Variants in DERPC observed in about 807,000 individuals in gnomAD.
The protein encoded by DERPC is DERPC proline and glycine rich nuclear protein.
In DERPC, 1 loss-of-function variant was observed where a neutral mutation model predicts 7.2. The observed-to-expected ratio is 0.14, with a 90% confidence interval of 0.05 to 0.66. The LOEUF (loss-of-function observed/expected upper bound fraction) is 0.66, where lower values mean the gene tolerates loss of function less well. DERPC is among the 30% of genes least tolerant of loss of function. The pLI, the probability that DERPC is intolerant of heterozygous loss-of-function variation, is 0.84. For synonymous variants in DERPC, 185 were observed against 117.6 expected (o/e 1.57, Z -3.71); for missense variants, 502 against 299.4 (o/e 1.68, Z -4.99).
At chr16:69,129,032 C>T (rs1339286959) in intron 1 of DERPC, among the ~76,000 whole-genome samples, 2 of 152,004 alleles carry the variant, frequency 1.3e-5, no homozygotes, top group East Asian at 3.9e-4. Context: ...CCACTGCACT[C>T]TAGCCTGGGT....
Position 69,132,584 on chromosome 16 carries a change from C to T in DERPC, c.-380G>A, listed in dbSNP as rs1962642703. 2.5e-6 allele frequency: 1 copy of T among 407,766 alleles called. No individual in the cohort carries two copies. Among genetic ancestry groups the T allele is most frequent in the South Asian group, 1.6e-5 (1 of 60,788 alleles). The allele number at this position is 407,766 out of a possible 1,614,324, so 25.3% of individuals were successfully genotyped here. ...GCCGCGAGCACTGCCTGCGCACTTC[C>T]GACTATGCGCCAGGAGCACTTCCGG... is the stretch of plus-strand genomic sequence containing the variant. On this transcript the variant is annotated 5_prime_UTR_variant, in exon 1 of 3. Coordinates refer to ENST00000519520, the MANE Select transcript of DERPC (RefSeq NM_001002847.4).
Position 69,120,196 on chromosome 16 carries a change from G to A in DERPC, c.233C>T (p.Ser78Leu). Residue 78 changes from serine to leucine, a missense_variant, in exon 3 of 3, where the codon TCA becomes TTA. Physicochemically the swap from Ser to Leu is moderately radical, Grantham distance 145. Coordinates refer to ENST00000519520, the MANE Select transcript of DERPC (RefSeq NM_001002847.4). The surrounding 1 kb of genome is among the most constrained non-coding windows in gnomAD (Gnocchi z 4.0). Reference sequence around the variant, plus strand: ...GAAAGGTGCTGGATTTGAAGCCAATGAGCCTGATGAAGCTGGAAAAGGAGA... The same window carrying A: ...GAAAGGTGCTGGATTTGAAGCCAATAAGCCTGATGAAGCTGGAAAAGGAGA... ...NPSPFPASSG[S>L]LASNPAPFPA... 1.4e-6 allele frequency: 1 copy of A among 702,276 alleles called. No homozygotes were observed. Among genetic ancestry groups the A allele is most frequent in the South Asian group, 1.5e-5 (1 of 67,530 alleles). The allele number at this position is 702,276 out of a possible 1,614,324, so 43.5% of individuals were successfully genotyped here.
Position 69,120,645 on chromosome 16 carries a change from A to G in DERPC, c.-217T>C. On this transcript the variant is annotated 5_prime_UTR_variant, in exon 3 of 3. Coordinates refer to ENST00000519520, the MANE Select transcript of DERPC (RefSeq NM_001002847.4). This position sits in a 1 kb window ranked among gnomAD's most constrained non-coding sequence, Gnocchi z 4.0. ...ATGATGCCCCACGATCAGCACAGGG[A>G]TTCCCTTTGGCAGAACAAGAACGAG... is the stretch of plus-strand genomic sequence containing the variant. The G allele has an allele frequency of 6.2e-7, 1 of 1,608,088 alleles. No individual in the cohort carries two copies. Among genetic ancestry groups the G allele is most frequent in the Non-Finnish European group, 8.5e-7 (1 of 1,175,130 alleles).
intron 1 of DERPC, among the ~76,000 whole-genome samples, chr16:69,126,959 G>A (rs1246063266): frequency 3.3e-5 from 5 of 152,210 alleles, no homozygotes; most frequent in African/African-American, 7.2e-5. Flanking sequence ...ATTAAAAAGT[G>A]TATGAGGCCG....
chr16:69,130,354 C>T (rs1364002514), intron 1 of DERPC, among the ~76,000 whole-genome samples: 1 of 152,008 alleles, frequency 6.6e-6, no homozygotes, highest in Admixed American at 6.6e-5. Context: ...AAATTCTCAA[C>T]CCTTAAACAT....
chr16:69,118,963 A>T lies in DERPC; in HGVS notation c.1466T>A (p.Phe489Tyr). The T allele has an allele frequency of 1.4e-6, 1 of 703,056 alleles. No individual in the cohort carries two copies. Among genetic ancestry groups the T allele is most frequent in the East Asian group, 2.7e-5 (1 of 37,282 alleles). 43.6% of individuals were successfully genotyped at this position (703,056 alleles called of 1,614,324 possible). Residue 489 changes from phenylalanine (F) to tyrosine (Y), a missense_variant, in exon 3 of 3, where the codon TTC becomes TAC. Phe to Tyr is a conservative substitution (Grantham distance 22, BLOSUM62 3). Transcript: ENST00000519520. ...GCTCCCCACTCTAGGAAATGGGACG[A>T]AACTCTTGCCTGCAGGGCCATTCAT... is the stretch of plus-strand genomic sequence containing the variant. ...PRMNGPAGKSFVPFPRVGSLP... is the reference protein window; with the variant it reads ...PRMNGPAGKSYVPFPRVGSLP...
intron 2 of DERPC, 102 bp downstream of exon 2, chr16:69,121,334 G>C: frequency 8.0e-7 from 1 of 1,248,746 alleles, no homozygotes. Flanking sequence ...GCAAGGATTT[G>C]TACAAGATGC....
At position 69,120,514 on chromosome 16, in the gene DERPC, G is replaced by C. The variant is rs769216163; in HGVS notation, c.-86C>G. 6.2e-7 allele frequency: 1 copy of C among 1,614,074 alleles called. No individual in the cohort carries two copies. The highest frequency in any genetic ancestry group is 8.5e-7 in the Non-Finnish European group (1 of 1,179,994). ...TTGATGAGTGCTGTCACCAGGTACC[G>C]GGTGCCAGTCTCGCGGCCAAGCTCA... On this transcript the variant is annotated 5_prime_UTR_variant, in exon 3 of 3. Transcript: ENST00000519520. This position sits in a 1 kb window ranked among gnomAD's most constrained non-coding sequence, Gnocchi z 4.0.
chr16:69,122,949 G>A (rs908277183), intron 1 of DERPC, among the ~76,000 whole-genome samples: 6 of 152,124 alleles, frequency 3.9e-5, no homozygotes, highest in African/African-American at 1.2e-4. Context: ...AAAGTGCTGG[G>A]ATTACAGGCA....
intron 1 of DERPC, among the ~76,000 whole-genome samples, chr16:69,127,293 TGA>T (rs933672144): frequency 1.3e-5 from 2 of 149,790 alleles, no homozygotes; most frequent in African/African-American, 4.9e-5. Flanking sequence ...CCCATCCCCT[TGA>T]GAGTAGACAG....
At chr16:69,121,521 G>T in intron 1 of DERPC, 28 bp from the exon 2 acceptor site, 1 of 1,407,626 alleles carries the variant, frequency 7.1e-7, no homozygotes, top group Non-Finnish European at 9.9e-7. Flanking sequence ...GAGATTTAGG[G>T]TAATAACAAC....
chr16:69,129,675 C>T (rs77677888), intron 1 of DERPC, among the ~76,000 whole-genome samples: 152 of 152,234 alleles, frequency 1.0e-3, no homozygotes, highest in African/African-American at 3.6e-3. Flanking sequence ...GGGATATGAA[C>T]CCTAACCCCT....
intron 1 of DERPC, among the ~76,000 whole-genome samples, chr16:69,126,969 G>T (rs373860622): frequency 6.6e-6 from 1 of 152,056 alleles, no homozygotes; most frequent in Non-Finnish European, 1.5e-5. Flanking sequence ...GTATGAGGCC[G>T]GGCGCGGTGG....
rs368710507 is a variant in DERPC, at chr16:69,118,429, C to T, written c.*425G>A. On this transcript the variant is annotated 3_prime_UTR_variant, in exon 3 of 3. Coordinates refer to ENST00000519520, the MANE Select transcript of DERPC (RefSeq NM_001002847.4). ...AGGTCAGAGCTACGGAAGCATGGTC[C>T]GTTCACCAACGCCACGTTTCTAGAG... 1.9e-5 allele frequency: 31 copies of T among 1,611,924 alleles called. No homozygotes were observed. Among genetic ancestry groups the T allele is most frequent in the African/African-American group, 5.3e-5 (4 of 74,858 alleles).
intron 1 of DERPC, among the ~76,000 whole-genome samples, chr16:69,124,739 G>A (rs2152269494): frequency 6.6e-6 from 1 of 152,242 alleles, no homozygotes. Flanking sequence ...GAGCTCCAGG[G>A]ATCCTCCCAC....
rs986539097 is a variant in DERPC, at chr16:69,120,011, C to G, written c.418G>C (p.Gly140Arg). The change falls in exon 3 of 3, where the codon GGG becomes CGG. Residue 140 changes from glycine to arginine, a missense_variant. Coordinates refer to ENST00000519520, the MANE Select transcript of DERPC (RefSeq NM_001002847.4). The surrounding 1 kb of genome is among the most constrained non-coding windows in gnomAD (Gnocchi z 4.0). ...NPRTGALPGP[G>R]PLSNPRLGGL... ...CCTAACCTGGGGTTAGACAGAGGCC[C>G]TGGGCCTGGCAGAGCCCCTGTCCTA... is the stretch of plus-strand genomic sequence containing the variant. 5.8e-6 allele frequency: 4 copies of G among 691,836 alleles called. No homozygotes were observed. In the African/African-American group the frequency reaches 7.1e-5, roughly 12 times the overall value. 42.9% of individuals were successfully genotyped at this position (691,836 alleles called of 1,614,324 possible).
chr16:69,121,452 G>A lies in DERPC; in HGVS notation c.-238C>T. 2 of 1,603,856 alleles carry A rather than the reference G, an allele frequency of 1.2e-6. No homozygotes were observed. The highest frequency in any genetic ancestry group is 1.7e-6 in the Non-Finnish European group (2 of 1,177,390). ...TGTACTTACCTGGAAATAACAATTTGCACCATGAGCTTTCTGTCTTTAAAA... is the reference window on the plus strand; with the variant it reads ...TGTACTTACCTGGAAATAACAATTTACACCATGAGCTTTCTGTCTTTAAAA... On this transcript the variant is annotated 5_prime_UTR_variant, in exon 2 of 3. It introduces an in-frame stop codon into an upstream open reading frame of the 5' UTR. Coordinates refer to ENST00000519520, the MANE Select transcript of DERPC (RefSeq NM_001002847.4).
intron 1 of DERPC, among the ~76,000 whole-genome samples, chr16:69,126,201 G>T (rs1286302770): frequency 1.3e-5 from 2 of 152,202 alleles, no homozygotes; most frequent in Non-Finnish European, 2.9e-5. Context: ...ATTCTAGGAA[G>T]ATCAAGGCAG....
rs1961596003 is a variant in DERPC at position 69,120,802 on chromosome 16, C to T, written c.-221-153G>A. On this transcript the variant is annotated intron_variant, in intron 2 of 2. Transcript: ENST00000519520. The surrounding 1 kb of genome is among the most constrained non-coding windows in gnomAD (Gnocchi z 4.0). ...GAGCAGCCACACTGGACCACCCACC[C>T]ATGTGCCCTTTTTACTTTCTAGCCC... 1 of 737,078 alleles carries T rather than the reference C, an allele frequency of 1.4e-6. No individual in the cohort carries two copies. Among genetic ancestry groups the T allele is most frequent in the Non-Finnish European group, 2.3e-6 (1 of 427,242 alleles). 45.7% of individuals were successfully genotyped at this position (737,078 alleles called of 1,614,324 possible).
Sources: gnomAD v4.1 joint callset for allele counts (sites outside exome capture counted in the v4.1 genomes callset) on GRCh38, gnomAD v4.1.1 for gene constraint, Gnocchi (gnomAD v3.1) non-coding constraint, MANE v1.5 for transcripts, NCBI Gene and HGNC (gene_info 2026-07-23, HGNC 2026-07-21) for gene names.